Variants in CMC4 observed in about 807,000 individuals in gnomAD.
CMC4 encodes the protein cx9C motif-containing protein 4.
Under a neutral mutation model 5.1 loss-of-function variants are expected in CMC4, and 4 were observed. The observed-to-expected ratio is 0.78, with a 90% CI of 0.38 to 1.78. The LOEUF (loss-of-function observed/expected upper bound fraction) is 1.78, where lower values mean the gene tolerates loss of function less well. Among genes scored for constraint, CMC4 ranks in the 40% most tolerant of loss-of-function variants. The probability of loss-of-function intolerance (pLI) is 0.04; values close to 1 mark genes in which losing one functional copy is unlikely to be tolerated. For synonymous variants in CMC4, 23 were observed against 18.9 expected (o/e 1.22, Z -0.57); for missense variants, 52 against 51.3 (o/e 1.01, Z -0.04).
At chrX:155,062,070 C>T in intron 2 of CMC4, 79 bp from the exon 3 acceptor site, 1 of 951,609 alleles carries the variant, frequency 1.1e-6, no homozygotes, top group Non-Finnish European at 1.4e-6. Flanking sequence ...TGCTTCCCAC[C>T]CCTTTTCACT....
intron 1 of CMC4, chrX:155,065,647 C>T (rs2124213337): frequency 8.3e-7 from 1 of 1,211,457 alleles, no homozygotes; most frequent in Non-Finnish European, 1.1e-6. Flanking sequence ...CTGCCACAAG[C>T]GAGAGTTGTT....
At position 155,063,991 on chromosome X, in the gene CMC4, GGCTT is replaced by G. The variant is rs1557291815; in HGVS notation, c.29_32del (p.Gln10ProfsTer51). ...CTTGTAAACATTTCTGTATCTCACA[GGCTT>G]GCTTCTGGCACGGATCCTTCTGCGG... On this transcript the variant is annotated frameshift_variant, in exon 2 of 3. Transcript: ENST00000369484. LOFTEE classifies it high-confidence loss of function. The G allele has an allele frequency of 1.7e-6, 2 of 1,194,572 alleles. No homozygotes were observed. Among genetic ancestry groups the G allele is most frequent in the Non-Finnish European group, 2.2e-6 (2 of 890,543 alleles).
At chrX:155,065,778 G>A in intron 1 of CMC4, 1 of 1,210,942 alleles carries the variant, frequency 8.3e-7, no homozygotes, top group Non-Finnish European at 1.1e-6. Flanking sequence ...GTGCCCTTAG[G>A]AAACTCGTCT....
chrX:155,070,503 A>G (rs1311213683), intron 1 of CMC4, among the ~76,000 whole-genome samples, 191 bp downstream of exon 1: 4 of 111,763 alleles, frequency 3.6e-5, no homozygotes, highest in African/African-American at 1.3e-4. Context: ...AGGAGACCCG[A>G]GGAAACTTGC....
Position 155,061,819 on chromosome X carries a change from A to G in CMC4, c.*24T>C, listed in dbSNP as rs1016402065. On this transcript the variant is annotated 3_prime_UTR_variant, in exon 3 of 3. Coordinates refer to ENST00000369484, the MANE Select transcript of CMC4 (RefSeq NM_001018024.3). The stretch of plus-strand genomic sequence containing the variant: ...TAAAAAAAATTCATTTGGTGGAAAC[A>G]TGGAGCAGCACTTCAGAAGAACTTT... 7 of 1,200,570 alleles carry G rather than the reference A, an allele frequency of 5.8e-6. No individual in the cohort carries two copies. In the African/African-American group the frequency reaches 1.1e-4, roughly 18 times the overall value.
At chrX:155,063,192 G>T (rs1402914278) in intron 2 of CMC4, among the ~76,000 whole-genome samples, 1 of 112,103 alleles carries the variant, frequency 8.9e-6, no homozygotes. Flanking sequence ...ATCAAAAAAT[G>T]AAAAGTCCAA....
chrX:155,062,909 G>A (rs73569630), intron 2 of CMC4, among the ~76,000 whole-genome samples: 26,587 of 110,469 alleles, frequency 0.24, 2,375 homozygotes, highest in South Asian at 0.39. Flanking sequence ...GGCTTAATAC[G>A]TATAAAGTCC....
Position 155,070,720 on chromosome X carries a change from T to G in CMC4, c.-37A>C, listed in dbSNP as rs1414175906. Reference sequence around the variant, plus strand: ...TGAATATAATGTTTCTTGGGCTAATTAATCCGCCTTGAGAACAGCTAGGCT... The same window carrying G: ...TGAATATAATGTTTCTTGGGCTAATGAATCCGCCTTGAGAACAGCTAGGCT... On this transcript the variant is annotated 5_prime_UTR_variant, in exon 1 of 3. Transcript: ENST00000369484. The G allele has an allele frequency of 5.3e-5, 6 of 112,190 alleles. No homozygotes were observed. The highest frequency in any genetic ancestry group is 1.1e-4 in the Non-Finnish European group (6 of 53,171). The allele number at this position is 112,190 out of a possible 1,213,427, so 9.2% of individuals were successfully genotyped here. A position where few individuals can be genotyped will look rare whatever the true frequency, so the allele number is the denominator to read the frequency against.
intron 1 of CMC4, among the ~76,000 whole-genome samples, chrX:155,067,041 C>T (rs892388624): frequency 8.9e-6 from 1 of 112,096 alleles, no homozygotes; most frequent in African/African-American, 3.2e-5. Context: ...CGCAGTTGTA[C>T]TGTATTTCTA....
At chrX:155,064,251 A>G (rs1395170835) in intron 1 of CMC4, 3 of 273,873 alleles carry the variant, frequency 1.1e-5, no homozygotes, top group African/African-American at 8.3e-5. Flanking sequence ...TTACATGGAA[A>G]AAAAACCTTG....
intron 1 of CMC4, chrX:155,065,530 C>T: frequency 8.3e-7 from 1 of 1,211,136 alleles, no homozygotes; most frequent in Non-Finnish European, 1.1e-6. Flanking sequence ...CTCCTGTACT[C>T]CCCTGACCTG....
chrX:155,066,013 T>C (rs887131785), intron 1 of CMC4: 13 of 1,198,931 alleles, frequency 1.1e-5, no homozygotes, highest in Non-Finnish European at 1.4e-5. Flanking sequence ...CCTGCCATTC[T>C]GGGCTTTGGG....
At chrX:155,065,323 T>C (rs1264765780) in intron 1 of CMC4, 2 of 486,381 alleles carry the variant, frequency 4.1e-6, no homozygotes, top group African/African-American at 2.4e-5. Context: ...CAAGGGTGGG[T>C]GCACTGCAGT....
At chrX:155,065,270 T>C in intron 1 of CMC4, 1 of 435,346 alleles carries the variant, frequency 2.3e-6, no homozygotes, top group South Asian at 3.9e-5. Context: ...GCTAAACTTC[T>C]GTTTCTTGAG....
chrX:155,065,454 G>C, intron 1 of CMC4: 8 of 1,177,402 alleles, frequency 6.8e-6, no homozygotes, highest in Non-Finnish European at 6.9e-6. Context: ...AAACAAAGAG[G>C]GGGAGGACAG....
chrX:155,061,845 A>G lies in CMC4; in HGVS notation c.205T>C (p.Ter69GlnextTer13), dbSNP rs138283404. The change falls in exon 3 of 3, where the codon TAA becomes CAA. Residue 69 changes from the stop codon to glutamine (Q), a stop_lost. Transcript: ENST00000369484. Reference sequence around the variant, plus strand: ...TGGAGCAGCACTTCAGAAGAACTTTACTTTGATGCAGACTTCCGTGTTAGG... The same window carrying G: ...TGGAGCAGCACTTCAGAAGAACTTTGCTTTGATGCAGACTTCCGTGTTAGG... ...ENLTRKSASK[*>Q] The G allele has an allele frequency of 2.0e-4, 237 of 1,207,277 alleles. No individual in the cohort carries two copies. In the African/African-American group the frequency reaches 3.5e-3, roughly 18 times the overall value.
At chrX:155,062,180 T>C (rs1489312068) in intron 2 of CMC4, among the ~76,000 whole-genome samples, 189 bp from the exon 3 acceptor site, 1 of 112,561 alleles carries the variant, frequency 8.9e-6, no homozygotes, top group Non-Finnish European at 1.9e-5. Flanking sequence ...GAAAGTATGA[T>C]TTACAAAGTG....
Position 155,061,720 on chromosome X carries a change from G to T in CMC4, c.*123C>A. 1 of 731,109 alleles carries T rather than the reference G, an allele frequency of 1.4e-6. No individual in the cohort carries two copies. Among genetic ancestry groups the T allele is most frequent in the Non-Finnish European group, 2.0e-6 (1 of 498,193 alleles). The allele number at this position is 731,109 out of a possible 1,213,427, so 60.3% of individuals were successfully genotyped here. On this transcript the variant is annotated 3_prime_UTR_variant, in exon 3 of 3. Coordinates refer to ENST00000369484, the MANE Select transcript of CMC4 (RefSeq NM_001018024.3). ...TATTTCTGCCTGTTCTGCATAGATGGCATATTCATTAACTTTTGTAGCTGA... is the reference window on the plus strand; with the variant it reads ...TATTTCTGCCTGTTCTGCATAGATGTCATATTCATTAACTTTTGTAGCTGA...
At chrX:155,064,260 T>C (rs2124211725) in intron 1 of CMC4, 1 of 261,541 alleles carries the variant, frequency 3.8e-6, no homozygotes, top group South Asian at 1.7e-4. Flanking sequence ...AAAAAAACCT[T>C]GAATTCAATC....
Sources: gnomAD v4.1 joint callset for allele counts (sites outside exome capture counted in the v4.1 genomes callset) on GRCh38, gnomAD v4.1.1 for gene constraint, MANE v1.5 for transcripts, NCBI Gene and HGNC (gene_info 2026-07-23, HGNC 2026-07-21) for gene names.